Variants in FAM135B observed in about 807,000 individuals in gnomAD.
The protein encoded by FAM135B is protein FAM135B.
In FAM135B, 43 loss-of-function variants were observed where a neutral mutation model predicts 127.7. The ratio of observed to expected loss-of-function variants is 0.34; its 90% CI spans 0.26 to 0.43. The LOEUF is 0.43. Ranked by LOEUF, FAM135B falls within the 20% of genes least tolerant of loss-of-function variation. The probability of loss-of-function intolerance (pLI) is 1.00; values close to 1 mark genes in which losing one functional copy is unlikely to be tolerated. For synonymous variants in FAM135B, 670 were observed against 665.1 expected (o/e 1.01, Z -0.11); for missense variants, 1,558 against 1,725.6 (o/e 0.90, Z 1.72).
intron 2 of FAM135B, among the ~76,000 whole-genome samples, chr8:138,357,203 G>A (rs1356105074): frequency 6.6e-6 from 1 of 152,012 alleles, no homozygotes; most frequent in Non-Finnish European, 1.5e-5. Flanking sequence ...TGCTACTGTT[G>A]CATAGCAACA....
chr8:138,311,076 A>C (rs1009859005), intron 2 of FAM135B, among the ~76,000 whole-genome samples, 156 bp from the exon 3 acceptor site: 9 of 152,242 alleles, frequency 5.9e-5, no homozygotes, highest in African/African-American at 2.2e-4. Flanking sequence ...GCATTTTATC[A>C]GCAGAGTTGG....
intron 1 of FAM135B, among the ~76,000 whole-genome samples, chr8:138,369,414 C>T (rs767646259): frequency 2.1e-4 from 32 of 152,154 alleles, no homozygotes; most frequent in Non-Finnish European, 4.1e-4. Context: ...AGGCCAGATC[C>T]CACAGATAAC....
At chr8:138,153,556 A>G (rs932621436) in intron 12 of FAM135B, among the ~76,000 whole-genome samples, 4 of 152,166 alleles carry the variant, frequency 2.6e-5, no homozygotes, top group Non-Finnish European at 2.9e-5. Context: ...GCCATGATAG[A>G]TGGTACCTGG....
chr8:138,141,832 C>T lies in FAM135B; in HGVS notation c.3639-483G>A, dbSNP rs1343140555. ...CTGCTCACAGCCCATGCTGTTAGAC[C>T]CCCTCCTGCAGGCTCTGCTCCAGCC... On this transcript the variant is annotated intron_variant, in intron 16 of 19. Coordinates refer to ENST00000395297, the MANE Select transcript of FAM135B (RefSeq NM_015912.4). The surrounding 1 kb of genome is among the most constrained non-coding windows in gnomAD (Gnocchi z 4.7). Among the ~76,000 whole-genome samples the T allele has an allele frequency of 6.6e-6, 1 of 152,138 alleles. No individual in the cohort carries two copies. Among genetic ancestry groups the T allele is most frequent in the Non-Finnish European group, 1.5e-5 (1 of 68,026 alleles).
intron 16 of FAM135B, among the ~76,000 whole-genome samples, chr8:138,142,576 T>A (rs1004921390): frequency 2.0e-5 from 3 of 152,092 alleles, no homozygotes; most frequent in African/African-American, 7.2e-5. Context: ...AGTGCTGGGA[T>A]TACAGGTGTG....
At chr8:138,256,564 G>T (rs1822103508) in intron 5 of FAM135B, 125 bp downstream of exon 5, 4 of 767,668 alleles carry the variant, frequency 5.2e-6, no homozygotes, top group Non-Finnish European at 8.8e-6. Context: ...GGACATTGCA[G>T]CTTATCAGGA....
chr8:138,271,765 G>T (rs556768460), intron 3 of FAM135B, among the ~76,000 whole-genome samples: 2 of 152,220 alleles, frequency 1.3e-5, no homozygotes, highest in African/African-American at 4.8e-5. Context: ...GATTGGAAAA[G>T]TCACTTTTCT....
At chr8:138,381,314 C>T (rs1166889775) in intron 1 of FAM135B, among the ~76,000 whole-genome samples, 1 of 152,136 alleles carries the variant, frequency 6.6e-6, no homozygotes, top group East Asian at 1.9e-4. Context: ...AAGCTATTAT[C>T]TCCACTGGAG....
At chr8:138,374,274 C>A (rs1831328588) in intron 1 of FAM135B, among the ~76,000 whole-genome samples, 1 of 152,188 alleles carries the variant, frequency 6.6e-6, no homozygotes, top group East Asian at 1.9e-4. Context: ...TAAGTCCAGG[C>A]TTCTGCATCT....
chr8:138,402,575 G>A (rs765137381), intron 1 of FAM135B, among the ~76,000 whole-genome samples: 20 of 152,154 alleles, frequency 1.3e-4, no homozygotes, highest in Non-Finnish European at 2.9e-4. Flanking sequence ...CCTCTATGCA[G>A]AGAAGTAGGT....
intron 14 of FAM135B, 23 bp from the exon 15 acceptor site, chr8:138,146,073 A>G: frequency 7.6e-7 from 1 of 1,312,332 alleles, no homozygotes; most frequent in Non-Finnish European, 1.1e-6. Context: ...GATAACCCCC[A>G]TCCCAGTCCC....
intron 7 of FAM135B, among the ~76,000 whole-genome samples, chr8:138,205,108 T>TA (rs1817453835): frequency 6.6e-6 from 1 of 152,186 alleles, no homozygotes; most frequent in Admixed American, 6.5e-5. Context: ...AGTATCATCA[T>TA]AAAAAACAGC....
chr8:138,468,375 C>T (rs1023584499), intron 1 of FAM135B, among the ~76,000 whole-genome samples: 1 of 152,166 alleles, frequency 6.6e-6, no homozygotes, highest in Admixed American at 6.5e-5. Context: ...TCATGACTCT[C>T]TATCTATGGA....
intron 1 of FAM135B, among the ~76,000 whole-genome samples, chr8:138,423,736 A>G (rs928160676): frequency 2.0e-5 from 3 of 152,248 alleles, no homozygotes; most frequent in Admixed American, 2.0e-4. Flanking sequence ...AGAGCAGACA[A>G]CCTATCTGAC....
intron 2 of FAM135B, among the ~76,000 whole-genome samples, chr8:138,335,886 CAG>C (rs1828541279): frequency 6.6e-6 from 1 of 152,152 alleles, no homozygotes; most frequent in African/African-American, 2.4e-5. Flanking sequence ...TGTGAAAGAA[CAG>C]AAATTATCAC....
intron 6 of FAM135B, among the ~76,000 whole-genome samples, chr8:138,247,201 T>C (rs146834279): frequency 1.8e-3 from 280 of 152,342 alleles, no homozygotes; most frequent in African/African-American, 6.4e-3. Flanking sequence ...TGAGGGACTG[T>C]TAGAAAGGCA....
Position 138,381,896 on chromosome 8 carries a change from T to G in FAM135B, c.-19-13894A>C, listed in dbSNP as rs139690675. ...GGGGGAAGGATGCAGTAACGGGTGG[T>G]GTCTCAACTGCAGATGAGTCCTCTA... is the stretch of plus-strand genomic sequence containing the variant. On this transcript the variant is annotated intron_variant, in intron 1 of 19. Transcript: ENST00000395297. Among the ~76,000 whole-genome samples the G allele has an allele frequency of 3.8e-3, 577 of 152,118 alleles. 5 individuals are homozygous for G. The highest frequency in any genetic ancestry group is 0.013 in the African/African-American group (547 of 41,474).
chr8:138,217,723 G>T (rs1234752826), intron 7 of FAM135B, among the ~76,000 whole-genome samples: 1 of 152,274 alleles, frequency 6.6e-6, no homozygotes, highest in Admixed American at 6.5e-5. Flanking sequence ...GAGCCACCAT[G>T]CCCGGCCGAT....
At chr8:138,378,388 T>G (rs1434801269) in intron 1 of FAM135B, among the ~76,000 whole-genome samples, 3 of 152,226 alleles carry the variant, frequency 2.0e-5, no homozygotes, top group Non-Finnish European at 2.9e-5. Flanking sequence ...GAATTTAATC[T>G]CTCTGTGCCT....
Sources: gnomAD v4.1 joint callset for allele counts (sites outside exome capture counted in the v4.1 genomes callset) on GRCh38, gnomAD v4.1.1 for gene constraint, Gnocchi (gnomAD v3.1) non-coding constraint, MANE v1.5 for transcripts, NCBI Gene and HGNC (gene_info 2026-07-23, HGNC 2026-07-21) for gene names.